Variants in C2 observed in about 807,000 individuals in gnomAD.
C2 encodes the protein C3/C5 convertase.
Under a neutral mutation model 85.2 loss-of-function variants are expected in C2, and 64 were observed. The ratio of observed to expected loss-of-function variants is 0.75; its 90% CI spans 0.61 to 0.92. The LOEUF is 0.92. Ranked by LOEUF, C2 falls within the 40% of genes least tolerant of loss-of-function variation. C2 has a pLI of 0.00. For missense variants in C2, 820 were observed against 971.6 expected (o/e 0.84, Z 2.07); for synonymous variants, 311 against 370.8 (o/e 0.84, Z 1.85).
In C2 at chr6:31,909,603, C is replaced by CT. The variant is rs879276738; in HGVS notation, c.73+8477dup. ...ATGGCATTTGCTCCCCCGCCCACCTCTTTTTTTTTTTTTGTAGAGATGAAG... is the reference window on the plus strand; with the variant it reads ...ATGGCATTTGCTCCCCCGCCCACCTCTTTTTTTTTTTTTTGTAGAGATGAAG... On this transcript the variant is annotated intron_variant, in intron 1 of 3. Coordinates refer to the C2 transcript ENST00000452202. Among the ~76,000 whole-genome samples, 244 of 144,324 alleles carry CT rather than the reference C, an allele frequency of 1.7e-3. 1 individual carries two copies. The highest frequency in any genetic ancestry group is 3.6e-3 in the Middle Eastern group (1 of 276). The allele number at this position is 144,324 out of a possible 152,430, so 94.7% of individuals were successfully genotyped here.
At chr6:31,924,953 T>C (rs567185285), upstream of C2, among the ~76,000 whole-genome samples, 23 of 152,162 alleles carry the variant, frequency 1.5e-4, no homozygotes, top group Middle Eastern at 0.017. Flanking sequence ...GTGGCAGAAG[T>C]GATGTTATGT....
intron 7 of C2, chr6:31,936,392 G>C (rs1582097827): frequency 7.8e-6 from 3 of 382,608 alleles, no homozygotes; most frequent in Non-Finnish European, 9.9e-6. Context: ...AAAGTGCCTG[G>C]TTGGCACTTA....
chr6:31,941,814 C>CTGTTTTTTTTT, intron 9 of C2: 1 of 96,698 alleles, frequency 1.0e-5, no homozygotes, highest in Non-Finnish European at 1.9e-5. Flanking sequence ...AGCCAGTTCA[C>CTGTTTTTTTTT]TTTTTTTTTT....
chr6:31,923,046 G>A (rs1769067519), upstream of C2, among the ~76,000 whole-genome samples: 1 of 152,174 alleles, frequency 6.6e-6, no homozygotes, highest in Non-Finnish European at 1.5e-5. Context: ...TTATTCACCT[G>A]CTTCCCTCTA....
rs145170641 is a variant in C2 at position 31,909,954 on chromosome 6, C to G, written c.73+8815C>G. On this transcript the variant is annotated intron_variant, in intron 1 of 3. Coordinates refer to the C2 transcript ENST00000452202. ...AGAGTACAGTGGTGCGATCTTGGCT[C>G]ACTGCAACCTCTGCCTCCCGGGTTC... Among the ~76,000 whole-genome samples the G allele has an allele frequency of 9.4e-4, 142 of 151,672 alleles. 2 individuals carry two copies. Among genetic ancestry groups the G allele is most frequent in the African/African-American group, 2.6e-3 (109 of 41,282 alleles).
At chr6:31,934,131 G>A in intron 5 of C2, 35 bp from the exon 6 acceptor site, 1 of 1,612,440 alleles carries the variant, frequency 6.2e-7, no homozygotes, top group East Asian at 2.2e-5. Context: ...GGAAGGAGGT[G>A]GGGATCTGAA....
In C2 at chr6:31,927,904, CTG is replaced by C; in HGVS notation, c.47-47_47-46del. Reference sequence around the variant, plus strand: ...GTCTCTTTTGCTTTCCTTTTCTCATCTGTGTCTTCCTTCTTTCTCCATTGCTG... The same window carrying C: ...GTCTCTTTTGCTTTCCTTTTCTCATCTGTCTTCCTTCTTTCTCCATTGCTG... On this transcript the variant is annotated intron_variant, in intron 1 of 17. Transcript: ENST00000299367. The surrounding 1 kb of genome is among the most constrained non-coding windows in gnomAD (Gnocchi z 4.7). The C allele has an allele frequency of 6.3e-7, 1 of 1,594,586 alleles. No individual in the cohort carries two copies. Among genetic ancestry groups the C allele is most frequent in the Non-Finnish European group, 8.6e-7 (1 of 1,162,126 alleles).
In C2 at chr6:31,944,945, A is replaced by C; in HGVS notation, c.2030-35A>C. 1 of 1,612,932 alleles carries C rather than the reference A, an allele frequency of 6.2e-7. No individual in the cohort carries two copies. Among genetic ancestry groups the C allele is most frequent in the Non-Finnish European group, 8.5e-7 (1 of 1,179,880 alleles). ...TGCCAGAACACCAGTCCACTGCCCTAGATGACACTGTCTCCTGTCACCCTT... is the reference window on the plus strand; with the variant it reads ...TGCCAGAACACCAGTCCACTGCCCTCGATGACACTGTCTCCTGTCACCCTT... On this transcript the variant is annotated intron_variant, in intron 16 of 17. Coordinates refer to ENST00000299367, the MANE Select transcript of C2 (RefSeq NM_000063.6). This position sits in a 1 kb window ranked among gnomAD's most constrained non-coding sequence, Gnocchi z 5.1.
intron 3 of C2, chr6:31,932,435 C>T (rs542110193): frequency 6.1e-4 from 183 of 297,952 alleles, no homozygotes; most frequent in Non-Finnish European, 8.5e-4. Flanking sequence ...CCTCACTTCT[C>T]AGACGGGGCG....
In C2 at chr6:31,944,607, C is replaced by CT. The variant is rs1231109554; in HGVS notation, c.1903-119dup. 6 of 1,109,496 alleles carry CT rather than the reference C, an allele frequency of 5.4e-6. No individual in the cohort carries two copies. Among genetic ancestry groups the CT allele is most frequent in the Non-Finnish European group, 8.3e-6 (6 of 725,028 alleles). The allele number at this position is 1,109,496 out of a possible 1,614,324, so 68.7% of individuals were successfully genotyped here. Reference sequence around the variant, plus strand: ...TGTTGGCCAGGATGGTCTTGAACTCCTGACCTCAAGTGATCTGCCTGCCTC... The same window carrying CT: ...TGTTGGCCAGGATGGTCTTGAACTCCTTGACCTCAAGTGATCTGCCTGCCTC... On this transcript the variant is annotated intron_variant, in intron 15 of 17. Transcript: ENST00000299367. The surrounding 1 kb of genome is among the most constrained non-coding windows in gnomAD (Gnocchi z 5.1).
At chr6:31,915,208 C>T (rs964811637), upstream of C2, among the ~76,000 whole-genome samples, 1 of 152,162 alleles carries the variant, frequency 6.6e-6, no homozygotes, top group Non-Finnish European at 1.5e-5. Context: ...TATAGCAAAT[C>T]GCCTTACAAG....
chr6:31,916,937 C>T (rs1768569008), upstream of C2, among the ~76,000 whole-genome samples: 1 of 148,470 alleles, frequency 6.7e-6, no homozygotes, highest in South Asian at 2.1e-4. Context: ...TTTGGGAGGC[C>T]GAGGCGGGTG....
chr6:31,910,197 G>A (rs1202595927), intron 1 of C2, among the ~76,000 whole-genome samples: 1 of 150,866 alleles, frequency 6.6e-6, no homozygotes, highest in African/African-American at 2.4e-5. Flanking sequence ...TTTTTAAATA[G>A]ACATTCTAGT....
rs1352877098 is a variant in C2, at chr6:31,927,798, G to C, written c.46G>C (p.Gly16Arg). The C allele has an allele frequency of 1.2e-6, 2 of 1,613,762 alleles. No homozygotes were observed. Among genetic ancestry groups the C allele is most frequent in the African/African-American group, 1.3e-5 (1 of 74,906 alleles). Residue 16 changes from glycine (G) to arginine (R), a missense_variant and splice_region_variant, in exon 1 of 18, where the codon GGT becomes CGT. Physicochemically the swap from Gly to Arg is moderately radical, Grantham distance 125. Transcript: ENST00000299367. The surrounding 1 kb of genome is among the most constrained non-coding windows in gnomAD (Gnocchi z 4.7). ...TTTTTGCCTGCTGTTCCTGTACCCA[G>C]GTAGGAGGCAGGGAAGGGGGAACGT... ...VLFCLLFLYP[G>R]LADSAPSCPQ...
At chr6:31,900,084 G>A, upstream of C2, 4 of 1,613,534 alleles carry the variant, frequency 2.5e-6, no homozygotes, top group Non-Finnish European at 3.4e-6. This position sits in a 1 kb window ranked among gnomAD's most constrained non-coding sequence, Gnocchi z 9.7. Context: ...CCCGAGTGCA[G>A]GTTGAGGTGG....
At chr6:31,908,326 T>C (rs150870067) in intron 1 of C2, among the ~76,000 whole-genome samples, 26 of 151,740 alleles carry the variant, frequency 1.7e-4, no homozygotes, top group Middle Eastern at 3.4e-3. Context: ...TTAGAGTCAG[T>C]AGATACAGCA....
rs775490853 is a variant in C2 at position 31,944,259 on chromosome 6, C to T, written c.1902+33C>T. 3.4e-5 allele frequency: 48 copies of T among 1,400,578 alleles called. 2 individuals are homozygous for T. In the Middle Eastern group the frequency reaches 1.2e-3, roughly 36 times the overall value. 86.8% of individuals were successfully genotyped at this position (1,400,578 alleles called of 1,614,324 possible). A position where few individuals can be genotyped will look rare whatever the true frequency, so the allele number is the denominator to read the frequency against. ...TCTCAGGTTGGGGATGCTGGGATCCCCCTGTGACAGCTCCCAGAATGTCTC... is the reference window on the plus strand; with the variant it reads ...TCTCAGGTTGGGGATGCTGGGATCCTCCTGTGACAGCTCCCAGAATGTCTC... On this transcript the variant is annotated intron_variant, in intron 15 of 17. Transcript: ENST00000299367. The surrounding 1 kb of genome is among the most constrained non-coding windows in gnomAD (Gnocchi z 5.1).
In C2 at chr6:31,944,260, CCT is replaced by C. The variant is rs768553353; in HGVS notation, c.1902+35_1902+36del. On this transcript the variant is annotated intron_variant, in intron 15 of 17. Coordinates refer to ENST00000299367, the MANE Select transcript of C2 (RefSeq NM_000063.6). The surrounding 1 kb of genome is among the most constrained non-coding windows in gnomAD (Gnocchi z 5.1). ...CTCAGGTTGGGGATGCTGGGATCCC[CCT>C]GTGACAGCTCCCAGAATGTCTCTCT... 8.7e-5 allele frequency: 120 copies of C among 1,374,374 alleles called. No homozygotes were observed. The highest frequency in any genetic ancestry group is 1.2e-4 in the Non-Finnish European group (114 of 962,524). The allele number at this position is 1,374,374 out of a possible 1,614,324, so 85.1% of individuals were successfully genotyped here.
At chr6:31,930,357 C>G (rs1769638941) in intron 3 of C2, among the ~76,000 whole-genome samples, 1 of 152,192 alleles carries the variant, frequency 6.6e-6, no homozygotes, top group Non-Finnish European at 1.5e-5. Context: ...GCTGGGATTA[C>G]AGGCGTGAGC....
Sources: gnomAD v4.1 joint callset for allele counts (sites outside exome capture counted in the v4.1 genomes callset) on GRCh38, gnomAD v4.1.1 for gene constraint, Gnocchi (gnomAD v3.1) non-coding constraint, MANE v1.5 for transcripts, NCBI Gene and HGNC (gene_info 2026-07-23, HGNC 2026-07-21) for gene names.